The following CPED1 variants were observed in gnomAD, a reference collection of about 807,000 sequenced individuals.
CPED1 encodes cadherin-like and PC-esterase domain-containing protein 1.
Under a neutral mutation model 128.2 loss-of-function variants are expected in CPED1, and 114 were observed. The observed-to-expected ratio is 0.89, with a 90% CI of 0.76 to 1.04. CPED1 has a LOEUF of 1.04. Among genes scored for constraint, CPED1 ranks in the 50% least tolerant of loss-of-function variants. The pLI is 0.00. For missense variants in CPED1, 1,211 were observed against 1,207.1 expected, an observed-to-expected ratio of 1.00 and a Z score of -0.05; for synonymous variants, 462 against 426.7, an observed-to-expected ratio of 1.08 and a Z score of -1.02.
Position 121,266,414 on chromosome 7 carries a change from C to T in CPED1, c.2498C>T (p.Thr833Ile), listed in dbSNP as rs1332227862. Residue 833 changes from threonine to isoleucine, a missense_variant, in exon 19 of 23, where the codon ACA becomes ATA. Transcript: ENST00000310396. ...TGGATAAGCCCTTCATTGAGACCAA[C>T]ATTTGAAAATGCACTTGAACACCTC... The part of the protein sequence containing the change: ...QFWISPSLRP[T>I]FENALEHLLQ... 6.8e-6 allele frequency: 11 copies of T among 1,612,870 alleles called. No homozygotes were observed. The highest frequency in any genetic ancestry group is 9.3e-6 in the Non-Finnish European group (11 of 1,179,306).
intron 3 of CPED1, among the ~76,000 whole-genome samples, chr7:121,034,144 A>G (rs1792816350): frequency 6.6e-6 from 1 of 152,112 alleles, no homozygotes; most frequent in Non-Finnish European, 1.5e-5. Context: ...CATATTATAT[A>G]CTCAAGTAAT....
At chr7:121,177,967 T>C (rs1184980127) in intron 16 of CPED1, among the ~76,000 whole-genome samples, 1 of 152,082 alleles carries the variant, frequency 6.6e-6, no homozygotes, top group Non-Finnish European at 1.5e-5. Flanking sequence ...CCCCAAGATA[T>C]TACAGTTCTC....
chr7:121,182,424 T>G (rs919514864), intron 16 of CPED1, among the ~76,000 whole-genome samples: 8 of 151,780 alleles, frequency 5.3e-5, no homozygotes, highest in Admixed American at 2.0e-4. Context: ...CTGCCTGCCT[T>G]CCTTCCTTTC....
intron 22 of CPED1, among the ~76,000 whole-genome samples, chr7:121,288,248 TA>T (rs1385230523): frequency 6.6e-6 from 1 of 152,196 alleles, no homozygotes; most frequent in African/African-American, 2.4e-5. Context: ...GATAATGACT[TA>T]ACAAAGGGAT....
At chr7:121,161,113 CT>C (rs1796405047) in intron 16 of CPED1, among the ~76,000 whole-genome samples, 1 of 152,108 alleles carries the variant, frequency 6.6e-6, no homozygotes, top group Non-Finnish European at 1.5e-5. Context: ...AATGTAGCAA[CT>C]TTTAAAACAA....
At chr7:121,196,773 A>T (rs1335818581) in intron 16 of CPED1, among the ~76,000 whole-genome samples, 1 of 152,060 alleles carries the variant, frequency 6.6e-6, no homozygotes, top group African/African-American at 2.4e-5. Flanking sequence ...AGAATAGATG[A>T]GACCGAATTT....
At chr7:121,040,429 G>T (rs1793019510) in intron 3 of CPED1, among the ~76,000 whole-genome samples, 1 of 152,062 alleles carries the variant, frequency 6.6e-6, no homozygotes, top group Non-Finnish European at 1.5e-5. Context: ...TACATGAAGA[G>T]TGCAGAGTAA....
chr7:121,001,595 G>C (rs916038614), intron 2 of CPED1, among the ~76,000 whole-genome samples: 1 of 152,120 alleles, frequency 6.6e-6, no homozygotes, highest in Non-Finnish European at 1.5e-5. Flanking sequence ...AAAAGTAGGT[G>C]GCGTTAGGGT....
intron 7 of CPED1, among the ~76,000 whole-genome samples, chr7:121,113,975 C>T (rs991357368): frequency 1.9e-4 from 29 of 152,006 alleles, no homozygotes; most frequent in Admixed American, 1.6e-3. Flanking sequence ...ACTATAGATG[C>T]GCACCACCAT....
At chr7:121,120,169 G>T (rs1795351604) in intron 7 of CPED1, among the ~76,000 whole-genome samples, 2 of 152,340 alleles carry the variant, frequency 1.3e-5, no homozygotes, top group South Asian at 4.1e-4. Context: ...ATACCCAGAA[G>T]TGGAATTGCT....
chr7:121,098,216 T>G (rs1794748033), intron 6 of CPED1, among the ~76,000 whole-genome samples: 1 of 152,214 alleles, frequency 6.6e-6, no homozygotes, highest in South Asian at 2.1e-4. Flanking sequence ...GCTCTTAGCA[T>G]CTAAGAAAGC....
intron 7 of CPED1, among the ~76,000 whole-genome samples, chr7:121,101,801 G>A (rs1231733080): frequency 6.6e-6 from 1 of 151,924 alleles, no homozygotes; most frequent in Non-Finnish European, 1.5e-5. Flanking sequence ...CTTAAACCAA[G>A]CTCTCCTGTG....
In CPED1 at chr7:121,274,923, AC is replaced by A. The variant is rs549168265; in HGVS notation, c.2868+3495del. ...TTAAAGGGCAAAAATTCTGCTGATA[AC>A]CTTTTTTTCACCTCTGTGCTCATCT... is the stretch of plus-strand genomic sequence containing the variant. On this transcript the variant is annotated intron_variant, in intron 22 of 22. Coordinates refer to ENST00000310396, the MANE Select transcript of CPED1 (RefSeq NM_024913.5). Among the ~76,000 whole-genome samples, 20 of 152,212 alleles carry A rather than the reference AC, an allele frequency of 1.3e-4. No individual in the cohort carries two copies. In the South Asian group the frequency reaches 4.1e-3, roughly 32 times the overall value.
chr7:121,054,296 G>T (rs1187683561), intron 4 of CPED1, among the ~76,000 whole-genome samples: 1 of 152,108 alleles, frequency 6.6e-6, no homozygotes, highest in Non-Finnish European at 1.5e-5. Context: ...ACACCACAAG[G>T]TTTATTATAG....
chr7:121,236,808 G>C lies in CPED1; in HGVS notation c.2150G>C (p.Arg717Thr), dbSNP rs1584620432. Residue 717 changes from arginine (R) to threonine (T), a missense_variant, in exon 17 of 23, where the codon AGA becomes ACA. Coordinates refer to ENST00000310396, the MANE Select transcript of CPED1 (RefSeq NM_024913.5). ...GCCATTTTACAGTCTGAACTAAAAA[G>C]ATGTCCATCTGGGGACATGAAAGGT... ...IEAILQSELK[R>T]CPSGDMKGQW... is the part of the protein sequence containing the mutation. 3.8e-6 allele frequency: 6 copies of C among 1,599,162 alleles called. No individual in the cohort carries two copies. In the East Asian group the frequency reaches 1.3e-4, roughly 36 times the overall value.
chr7:121,145,689 T>C (rs1796009071), intron 16 of CPED1, among the ~76,000 whole-genome samples: 1 of 152,082 alleles, frequency 6.6e-6, no homozygotes. Flanking sequence ...TATTTCTCTT[T>C]TATATTTAAT....
intron 5 of CPED1, among the ~76,000 whole-genome samples, chr7:121,066,773 T>A (rs964341515): frequency 6.6e-6 from 1 of 152,118 alleles, no homozygotes; most frequent in Non-Finnish European, 1.5e-5. Flanking sequence ...CTGTTGGCCC[T>A]CTGTATCTGT....
At chr7:121,155,105 C>A (rs1257683725) in intron 16 of CPED1, among the ~76,000 whole-genome samples, 3 of 152,042 alleles carry the variant, frequency 2.0e-5, no homozygotes, top group African/African-American at 7.2e-5. Flanking sequence ...ATCAAGGAGG[C>A]AACCCCATTT....
intron 16 of CPED1, among the ~76,000 whole-genome samples, chr7:121,207,472 T>A (rs993946077): frequency 6.6e-6 from 1 of 152,018 alleles, no homozygotes; most frequent in Non-Finnish European, 1.5e-5. Flanking sequence ...AGGGAAATGC[T>A]TCATTAATTT....
Sources: gnomAD v4.1 joint callset for allele counts (sites outside exome capture counted in the v4.1 genomes callset) on GRCh38, gnomAD v4.1.1 for gene constraint, MANE v1.5 for transcripts, NCBI Gene and HGNC (gene_info 2026-07-23, HGNC 2026-07-21) for gene names.